FARP2: variants seen among roughly 807,000 people sequenced by gnomAD.
The protein encoded by FARP2 is FERM, ARHGEF and pleckstrin domain-containing protein 2.
In FARP2, 111 loss-of-function variants were observed where a neutral mutation model predicts 130.5. The ratio of observed to expected loss-of-function variants is 0.85; its 90% CI spans 0.73 to 1.00. The LOEUF is 1.00. Ranked by LOEUF, FARP2 falls within the 50% of genes least tolerant of loss-of-function variation. The pLI is 0.00. For synonymous variants in FARP2, 504 were observed against 516.9 expected (o/e 0.98, Z 0.34); for missense variants, 1,385 against 1,346.3 (o/e 1.03, Z -0.45).
intron 13 of FARP2, among the ~76,000 whole-genome samples, chr2:241,453,139 G>C (rs2063712236): frequency 6.7e-6 from 1 of 148,418 alleles, no homozygotes; most frequent in East Asian, 2.0e-4. Context: ...AGACCAACCT[G>C]GCCAACATGG....
At chr2:241,425,922 T>C (rs1176285976) in intron 8 of FARP2, among the ~76,000 whole-genome samples, 4 of 151,340 alleles carry the variant, frequency 2.6e-5, no homozygotes, top group Non-Finnish European at 4.4e-5. Flanking sequence ...CCCGAGCATT[T>C]GGCGATTTTT....
chr2:241,381,236 G>T (rs574885220), intron 2 of FARP2, among the ~76,000 whole-genome samples: 2 of 152,020 alleles, frequency 1.3e-5, no homozygotes, highest in African/African-American at 2.4e-5. Flanking sequence ...GATTGCCACC[G>T]CCAGCCACTT....
Position 241,493,749 on chromosome 2 carries a change from A to ACGC in FARP2, c.3048-254_3048-252dup, listed in dbSNP as rs756033633. 13 of 474,216 alleles carry ACGC rather than the reference A, an allele frequency of 2.7e-5. No homozygotes were observed. The East Asian group carries it at 3.9e-4, about 14-fold the overall frequency. 29.4% of individuals were successfully genotyped at this position (474,216 alleles called of 1,614,324 possible). ...AACTGAGATTACAGGCATGCACGCC[A>ACGC]CGCCGCCTGGCTAATTTTTGTATTT... On this transcript the variant is annotated intron_variant, in intron 26 of 26. Transcript: ENST00000264042.
chr2:241,396,777 G>A (rs1248827511), intron 2 of FARP2, among the ~76,000 whole-genome samples: 7 of 152,168 alleles, frequency 4.6e-5, no homozygotes, highest in Middle Eastern at 3.4e-3. Context: ...TCAGTGTGGC[G>A]ATTCCTCAGG....
In FARP2 at chr2:241,431,746, T is replaced by C; in HGVS notation, c.839T>C (p.Phe280Ser). The change falls in exon 9 of 27, where the codon TTT becomes TCT. Residue 280 changes from phenylalanine (F) to serine (S), a missense_variant. Phe to Ser is a radical substitution (Grantham distance 155). Coordinates refer to ENST00000264042, the MANE Select transcript of FARP2 (RefSeq NM_014808.4). Reference sequence around the variant, plus strand: ...AAACTAAGCTTCAAGAGGAAAAGATTTCTTATCAAACTTCATCCAGAGGTT... The same window carrying C: ...AAACTAAGCTTCAAGAGGAAAAGATCTCTTATCAAACTTCATCCAGAGGTT... ...VRKLSFKRKR[F>S]LIKLHPEVHG... is the part of the protein sequence containing the mutation. 6.3e-7 allele frequency: 1 copy of C among 1,581,634 alleles called. No homozygotes were observed. The highest frequency in any genetic ancestry group is 8.7e-7 in the Non-Finnish European group (1 of 1,154,660).
At chr2:241,413,857 G>T (rs977915115) in intron 7 of FARP2, among the ~76,000 whole-genome samples, 1 of 151,690 alleles carries the variant, frequency 6.6e-6, no homozygotes, top group Admixed American at 6.6e-5. Context: ...CAGGAGAATC[G>T]CTTGAACCCA....
rs938774556 is a variant in FARP2 at position 241,484,183 on chromosome 2, TCTGA to T, written c.2332-56_2332-53del. 1.5e-4 allele frequency: 234 copies of T among 1,607,354 alleles called. 1 individual carries two copies. The highest frequency in any genetic ancestry group is 1.9e-4 in the Non-Finnish European group (219 of 1,175,368). ...GATGAGCAGCCAGAGTCCAAGTTGG[TCTGA>T]CTATTAAGACACTTGTTTGTGAAGT... On this transcript the variant is annotated intron_variant, in intron 20 of 26. Transcript: ENST00000264042.
chr2:241,406,260 A>C (rs1462002206), intron 4 of FARP2, among the ~76,000 whole-genome samples: 1 of 152,012 alleles, frequency 6.6e-6, no homozygotes, highest in Non-Finnish European at 1.5e-5. Context: ...GTGAGCCGAG[A>C]TCACGTCACT....
intron 8 of FARP2, among the ~76,000 whole-genome samples, chr2:241,425,779 T>G (rs907818792): frequency 4.0e-5 from 6 of 149,296 alleles, no homozygotes; most frequent in African/African-American, 1.5e-4. Flanking sequence ...AGTTTCATTC[T>G]TGTTGCCCAG....
chr2:241,413,485 G>A (rs763442767), intron 7 of FARP2, 64 bp downstream of exon 7: 85 of 1,135,964 alleles, frequency 7.5e-5, no homozygotes, highest in Non-Finnish European at 1.0e-4. Context: ...AGTGTGTAAC[G>A]AGAAAGGACT....
chr2:241,481,044 C>T (rs899896306), intron 19 of FARP2, among the ~76,000 whole-genome samples: 30 of 130,566 alleles, frequency 2.3e-4, no homozygotes, highest in African/African-American at 8.9e-4. Context: ...CATACTGATA[C>T]CTTGTCTCTA....
chr2:241,363,964 G>T (rs918690186), intron 1 of FARP2, among the ~76,000 whole-genome samples: 3 of 152,238 alleles, frequency 2.0e-5, no homozygotes, highest in African/African-American at 7.2e-5. Flanking sequence ...GGAATTATCT[G>T]ATAGACTGTG....
At chr2:241,493,087 C>A in intron 25 of FARP2, 51 bp downstream of exon 25, 1 of 1,164,528 alleles carries the variant, frequency 8.6e-7, no homozygotes. Context: ...CAGACAGACA[C>A]TTAACCCTGC....
chr2:241,411,380 G>T (rs2062513615), intron 6 of FARP2, among the ~76,000 whole-genome samples: 1 of 152,164 alleles, frequency 6.6e-6, no homozygotes, highest in Non-Finnish European at 1.5e-5. Flanking sequence ...CCTTCTTTTG[G>T]GTTGTCTCTC....
chr2:241,365,942 G>A (rs540733820), intron 1 of FARP2, among the ~76,000 whole-genome samples: 104 of 146,826 alleles, frequency 7.1e-4, no homozygotes, highest in African/African-American at 2.5e-3. Flanking sequence ...TCCCTCATAG[G>A]TAACCATTTT....
intron 2 of FARP2, among the ~76,000 whole-genome samples, chr2:241,393,334 A>C (rs969065870): frequency 6.6e-6 from 1 of 152,082 alleles, no homozygotes; most frequent in Non-Finnish European, 1.5e-5. Flanking sequence ...TATGGTTCTT[A>C]GTGCAATTTG....
chr2:241,380,600 C>T (rs577286995), intron 2 of FARP2, among the ~76,000 whole-genome samples: 10 of 151,872 alleles, frequency 6.6e-5, no homozygotes, highest in Admixed American at 6.6e-4. Context: ...TGAATTGTTC[C>T]ATGAGCATTT....
intron 17 of FARP2, chr2:241,465,823 C>T (rs2064155064): frequency 2.6e-6 from 4 of 1,543,600 alleles, no homozygotes; most frequent in South Asian, 1.2e-5. Flanking sequence ...AGACTCTGGC[C>T]ACTCCTCACA....
chr2:241,359,697 C>G (rs1428828147), intron 1 of FARP2, among the ~76,000 whole-genome samples: 2 of 152,224 alleles, frequency 1.3e-5, no homozygotes, highest in Non-Finnish European at 2.9e-5. Flanking sequence ...GTACTGGTTA[C>G]TTTCTCAGTC....
Sources: allele counts gnomAD v4.1 joint callset (sites outside exome capture counted in the v4.1 genomes callset), GRCh38; gene constraint gnomAD v4.1.1; transcripts MANE v1.5; gene names NCBI Gene and HGNC (gene_info 2026-07-23, HGNC 2026-07-21).